CMTM8: variants seen among roughly 807,000 people sequenced by gnomAD.
CMTM8 encodes the protein CKLF like MARVEL transmembrane domain containing 8.
A neutral mutation model predicts 18.6 loss-of-function variants in CMTM8; 12 were observed. The observed-to-expected ratio is 0.65, with a 90% confidence interval of 0.41 to 1.05. CMTM8 has a LOEUF of 1.05. Ranked by LOEUF, CMTM8 falls within the 50% of genes least tolerant of loss-of-function variation. CMTM8 has a pLI of 0.00. For missense variants in CMTM8, 217 were observed against 227.2 expected, an observed-to-expected ratio of 0.95 and a Z score of 0.29; for synonymous variants, 87 against 90.6, an observed-to-expected ratio of 0.96 and a Z score of 0.23.
intron 1 of CMTM8, among the ~76,000 whole-genome samples, chr3:32,245,142 T>A (rs1269827136): frequency 6.6e-6 from 1 of 152,162 alleles, no homozygotes; most frequent in African/African-American, 2.4e-5. Context: ...GTGTGTCTGT[T>A]TCAAACCTTT....
intron 1 of CMTM8, among the ~76,000 whole-genome samples, chr3:32,319,036 T>TTA (rs1695983410): frequency 1.5e-5 from 2 of 131,948 alleles, no homozygotes; most frequent in African/African-American, 2.9e-5. Context: ...AATATTAAAT[T>TTA]TATATATATG....
chr3:32,346,136 A>G (rs1321416298), intron 1 of CMTM8, among the ~76,000 whole-genome samples: 1 of 152,184 alleles, frequency 6.6e-6, no homozygotes, highest in Admixed American at 6.5e-5. Flanking sequence ...CCTGGGCAAC[A>G]AGAGTGAAAC....
chr3:32,258,106 A>G (rs1047899066), intron 1 of CMTM8, among the ~76,000 whole-genome samples: 36 of 152,276 alleles, frequency 2.4e-4, no homozygotes, highest in African/African-American at 8.2e-4. Context: ...TCCCTCTCCA[A>G]CTTTGGTTAT....
At chr3:32,245,618 GT>G (rs988192151) in intron 1 of CMTM8, among the ~76,000 whole-genome samples, 26 of 152,266 alleles carry the variant, frequency 1.7e-4, no homozygotes, top group Middle Eastern at 6.8e-3. Context: ...ATGTAATAAT[GT>G]TAGGTCACCT....
intron 1 of CMTM8, among the ~76,000 whole-genome samples, chr3:32,295,488 A>AAAAAAG (rs1702863006): frequency 1.4e-5 from 2 of 143,122 alleles, no homozygotes; most frequent in African/African-American, 2.6e-5. Context: ...ACAAAACAAA[A>AAAAAAG]CAGCGGAAAG....
At chr3:32,259,264 A>G (rs1702220397) in intron 1 of CMTM8, 1 of 629,218 alleles carries the variant, frequency 1.6e-6, no homozygotes, top group African/African-American at 1.8e-5. Flanking sequence ...GGAGACCGTG[A>G]ACTGGAGGCT....
intron 1 of CMTM8, among the ~76,000 whole-genome samples, chr3:32,351,844 T>C (rs1696715532): frequency 6.6e-6 from 1 of 152,066 alleles, no homozygotes; most frequent in African/African-American, 2.4e-5. Flanking sequence ...TAAAGATCTC[T>C]ACAAATCAGA....
At chr3:32,250,650 T>C (rs1212470448) in intron 1 of CMTM8, among the ~76,000 whole-genome samples, 9 of 152,186 alleles carry the variant, frequency 5.9e-5, no homozygotes, top group Non-Finnish European at 2.9e-5. Context: ...GATGCTATTT[T>C]ATTTCTTTTT....
intron 2 of CMTM8, among the ~76,000 whole-genome samples, chr3:32,361,286 G>GTTTTTTTTTTTTTTTTTTTTTTT (rs58364646): frequency 1.1e-5 from 1 of 87,222 alleles, no homozygotes; most frequent in Admixed American, 1.2e-4. Context: ...CAGCCTAAGA[G>GTTTTTTTTTTTTTTTTTTTTTTT]TTTTTTTTTC....
chr3:32,360,304 G>A (rs1206808599), intron 2 of CMTM8, among the ~76,000 whole-genome samples: 3 of 152,190 alleles, frequency 2.0e-5, no homozygotes, highest in Non-Finnish European at 4.4e-5. Context: ...AGAAATCTGG[G>A]CTTTGGTGTG....
At chr3:32,314,590 A>G (rs901017761) in intron 1 of CMTM8, among the ~76,000 whole-genome samples, 3 of 151,558 alleles carry the variant, frequency 2.0e-5, no homozygotes, top group Admixed American at 6.6e-5. Flanking sequence ...ATCAATTCTC[A>G]TGCCTCAGCC....
chr3:32,322,522 C>G (rs924941603), intron 1 of CMTM8, among the ~76,000 whole-genome samples: 6 of 152,130 alleles, frequency 3.9e-5, no homozygotes, highest in Non-Finnish European at 5.9e-5. Context: ...CTCATGCTGC[C>G]CTGGTAATGG....
At chr3:32,329,605 A>G (rs1415334127) in intron 1 of CMTM8, among the ~76,000 whole-genome samples, 1 of 152,248 alleles carries the variant, frequency 6.6e-6, no homozygotes, top group South Asian at 2.1e-4. Flanking sequence ...CACTTGGAAT[A>G]GAAGGAAATT....
At chr3:32,283,054 G>A (rs79506229) in intron 1 of CMTM8, among the ~76,000 whole-genome samples, 150 of 152,308 alleles carry the variant, frequency 9.8e-4, no homozygotes, top group African/African-American at 3.5e-3. Context: ...AGTTATGTGA[G>A]AGTAGAAACT....
chr3:32,280,189 G>T (rs984486030), intron 1 of CMTM8, among the ~76,000 whole-genome samples: 2 of 152,092 alleles, frequency 1.3e-5, no homozygotes, highest in East Asian at 3.9e-4. Flanking sequence ...CATAAGTGAG[G>T]GGGGAGAATA....
chr3:32,369,687 TG>T (rs1695610770), intron 3 of CMTM8, among the ~76,000 whole-genome samples, 196 bp from the exon 4 acceptor site: 1 of 152,232 alleles, frequency 6.6e-6, no homozygotes, highest in Non-Finnish European at 1.5e-5. Flanking sequence ...GGCTTTCAGA[TG>T]TTCTCCGAAA....
rs916108870 is a variant in CMTM8, at chr3:32,337,671, C to T, written c.148-19702C>T. Reference sequence around the variant, plus strand: ...TAAACTTGAGCTGCTTGGGAAGACACCTTGCTGGGCTCCTTCCCAGAAATG... The same window carrying T: ...TAAACTTGAGCTGCTTGGGAAGACATCTTGCTGGGCTCCTTCCCAGAAATG... On this transcript the variant is annotated intron_variant, in intron 1 of 3. Transcript: ENST00000307526. Among the ~76,000 whole-genome samples the T allele has an allele frequency of 3.3e-5, 5 of 152,190 alleles. No homozygotes were observed. In the South Asian group the frequency reaches 6.2e-4, roughly 19 times the overall value.
chr3:32,356,503 G>C (rs913723075), intron 1 of CMTM8, among the ~76,000 whole-genome samples: 1 of 152,198 alleles, frequency 6.6e-6, no homozygotes, highest in African/African-American at 2.4e-5. Context: ...GTGTTACTTT[G>C]GCTTTGGGTA....
chr3:32,351,348 ATG>A (rs2125595193), intron 1 of CMTM8, among the ~76,000 whole-genome samples: 1 of 152,364 alleles, frequency 6.6e-6, no homozygotes, highest in South Asian at 2.1e-4. Flanking sequence ...ATACAGGAGA[ATG>A]TTTTTATAAT....
Sources: allele counts gnomAD v4.1 joint callset (sites outside exome capture counted in the v4.1 genomes callset), GRCh38; gene constraint gnomAD v4.1.1; transcripts MANE v1.5; gene names NCBI Gene and HGNC (gene_info 2026-07-23, HGNC 2026-07-21).